Variants in NRXN3 observed in about 807,000 individuals in gnomAD.
NRXN3 encodes the protein neurexin 3.
A neutral mutation model predicts 137.6 loss-of-function variants in NRXN3; 32 were observed. The observed-to-expected ratio is 0.23, with a 90% confidence interval of 0.18 to 0.31. The LOEUF is 0.31. Among genes scored for constraint, NRXN3 ranks in the 10% least tolerant of loss-of-function variants. The probability of loss-of-function intolerance (pLI) is 1.00; values close to 1 mark genes in which losing one functional copy is unlikely to be tolerated. For synonymous variants in NRXN3, 798 were observed against 784.5 expected, an observed-to-expected ratio of 1.02 and a Z score of -0.29; for missense variants, 1,574 against 2,062.5, an observed-to-expected ratio of 0.76 and a Z score of 4.59.
At chr14:79,623,595 A>G (rs1258570089) in intron 16 of NRXN3, among the ~76,000 whole-genome samples, 1 of 152,222 alleles carries the variant, frequency 6.6e-6, no homozygotes, top group African/African-American at 2.4e-5. Flanking sequence ...AGTTGAAATA[A>G]TATACTCAAC....
intron 8 of NRXN3, among the ~76,000 whole-genome samples, chr14:78,779,076 T>C (rs1459246762): frequency 6.6e-6 from 1 of 151,948 alleles, no homozygotes; most frequent in Non-Finnish European, 1.5e-5. Flanking sequence ...TAAACCATCT[T>C]CTATTCTAAA....
chr14:78,960,946 C>T (rs1200746323), intron 11 of NRXN3, among the ~76,000 whole-genome samples: 1 of 150,992 alleles, frequency 6.6e-6, no homozygotes, highest in Non-Finnish European at 1.5e-5. Flanking sequence ...TATTGCCAGG[C>T]TTATTAGGAG....
intron 8 of NRXN3, among the ~76,000 whole-genome samples, chr14:78,794,383 C>T: frequency 6.6e-6 from 1 of 152,104 alleles, no homozygotes; most frequent in East Asian, 1.9e-4. Context: ...GAGCAAGACT[C>T]TGTTTCAAAA....
intron 1 of NRXN3, among the ~76,000 whole-genome samples, chr14:78,205,076 C>G (rs2062051827): frequency 6.6e-6 from 1 of 152,220 alleles, no homozygotes; most frequent in Admixed American, 6.5e-5. Flanking sequence ...CCCGCTGCCC[C>G]AGCCCACAGG....
chr14:79,716,995 A>T (rs1025135676), intron 19 of NRXN3, among the ~76,000 whole-genome samples: 2 of 152,136 alleles, frequency 1.3e-5, no homozygotes, highest in African/African-American at 2.4e-5. Context: ...GGCAGGGAGC[A>T]TTCCGTTTTC....
intron 6 of NRXN3, among the ~76,000 whole-genome samples, chr14:78,671,478 G>A (rs2097934536): frequency 6.6e-6 from 1 of 152,060 alleles, no homozygotes; most frequent in Non-Finnish European, 1.5e-5. Flanking sequence ...CTCAGTATCT[G>A]GGTGATGGGA....
chr14:79,238,273 T>G (rs923791061), intron 15 of NRXN3, among the ~76,000 whole-genome samples: 6 of 146,280 alleles, frequency 4.1e-5, no homozygotes, highest in African/African-American at 1.5e-4. Context: ...GTTGTAGACA[T>G]ATTGCGTGTA....
Position 78,243,446 on chromosome 14 carries a change from G to T in NRXN3, c.353G>T (p.Arg118Leu), listed in dbSNP as rs373722263. The change falls in exon 2 of 21, where the codon CGC (arginine) becomes CTC (leucine). Residue 118 changes from arginine to leucine, a missense_variant. This residue lies in a region of NRXN3 where 400 missense variants were observed against 527.3 expected (regional missense o/e 0.76). Coordinates refer to ENST00000335750, the MANE Select transcript of NRXN3 (RefSeq NM_001330195.2). This position sits in a 1 kb window ranked among gnomAD's most constrained non-coding sequence, Gnocchi z 4.2. ...CACTTCCTCATGGTGAGCCGTGACC[G>T]CCTGCGCACGGTGCTGATGCTTGAT... ...SWHFLMVSRD[R>L]LRTVLMLDGE... 1 of 1,574,312 alleles carries T rather than the reference G, an allele frequency of 6.4e-7. No homozygotes were observed. Among genetic ancestry groups the T allele is most frequent in the Non-Finnish European group, 8.6e-7 (1 of 1,167,774 alleles).
chr14:79,722,533 G>C (rs1414368857), intron 19 of NRXN3, among the ~76,000 whole-genome samples: 3 of 152,026 alleles, frequency 2.0e-5, no homozygotes, highest in Non-Finnish European at 4.4e-5. Context: ...CCTCTGCTGA[G>C]AACCCACTTT....
In NRXN3 at chr14:78,645,316, C is replaced by G; in HGVS notation, c.954C>G (p.Val318=). The part of the protein sequence containing the change: ...LALKDGAVSL[V]INLGSGAFEA... ...TGAAGGATGGTGCGGTCTCCTTGGTCATTAACCTGGGGTCCGGGGCCTTTG... is the reference window on the plus strand; with the variant it reads ...TGAAGGATGGTGCGGTCTCCTTGGTGATTAACCTGGGGTCCGGGGCCTTTG... The change falls in exon 5 of 21, where the codon GTC becomes GTG. Residue 318 remains valine (V), a synonymous_variant. Transcript: ENST00000335750. 6.3e-7 allele frequency: 1 copy of G among 1,598,866 alleles called. No homozygotes were observed.
intron 8 of NRXN3, among the ~76,000 whole-genome samples, chr14:78,772,611 A>C (rs2098732030): frequency 6.6e-6 from 1 of 152,216 alleles, no homozygotes; most frequent in Admixed American, 6.5e-5. Flanking sequence ...GAGTTAGGTC[A>C]ATGTTTCTTA....
At chr14:79,714,864 T>C (rs1490351468) in intron 19 of NRXN3, among the ~76,000 whole-genome samples, 1 of 152,222 alleles carries the variant, frequency 6.6e-6, no homozygotes, top group African/African-American at 2.4e-5. Flanking sequence ...CAAAAGACAC[T>C]TTCCTTTGCA....
At chr14:79,313,773 G>GT (rs1273784359) in intron 15 of NRXN3, among the ~76,000 whole-genome samples, 3 of 78,764 alleles carry the variant, frequency 3.8e-5, no homozygotes, top group Non-Finnish European at 7.4e-5. Context: ...TGGAGCCTTG[G>GT]TTTTCAGCTC....
intron 16 of NRXN3, among the ~76,000 whole-genome samples, chr14:79,580,451 T>TTTC (rs1179481966): frequency 6.8e-6 from 1 of 147,444 alleles, no homozygotes; most frequent in African/African-American, 2.6e-5. Context: ...TTTTTTTTTT[T>TTTC]CATAACTCAG....
Position 78,625,321 on chromosome 14 carries a change from C to T in NRXN3, c.758-19799C>T, listed in dbSNP as rs143825635. Among the ~76,000 whole-genome samples the T allele has an allele frequency of 5.1e-3, 778 of 152,346 alleles. 8 individuals are homozygous for T. Among genetic ancestry groups the T allele is most frequent in the African/African-American group, 0.018 (729 of 41,588 alleles). ...ATAAGATAAGCCATGGGACTTGCTT[C>T]TCTCCCAACTCACCATACCCAAAAG... On this transcript the variant is annotated intron_variant, in intron 4 of 20. Transcript: ENST00000335750.
At chr14:79,706,367 T>G (rs1488022171) in intron 19 of NRXN3, among the ~76,000 whole-genome samples, 1 of 151,804 alleles carries the variant, frequency 6.6e-6, no homozygotes, top group Non-Finnish European at 1.5e-5. Context: ...TTCAAATATA[T>G]GCAAATAAAA....
At chr14:79,443,217 T>C (rs1167515136) in intron 15 of NRXN3, among the ~76,000 whole-genome samples, 1 of 152,254 alleles carries the variant, frequency 6.6e-6, no homozygotes, top group African/African-American at 2.4e-5. Flanking sequence ...GAGGAAATTA[T>C]GAAATGCATG....
chr14:79,132,610 G>A lies in NRXN3; in HGVS notation c.3262+144469G>A, dbSNP rs563525766. ...ATTCCTCTTGGACTGTGTTGGCCTA[G>A]ATCGTTTATTAGCTTAGGCAACATA... On this transcript the variant is annotated intron_variant, in intron 15 of 20. Coordinates refer to ENST00000335750, the MANE Select transcript of NRXN3 (RefSeq NM_001330195.2). Among the ~76,000 whole-genome samples, 10 of 152,238 alleles carry A rather than the reference G, an allele frequency of 6.6e-5. No homozygotes were observed. The South Asian group carries it at 2.1e-3, about 32-fold the overall frequency.
chr14:79,438,248 T>C lies in NRXN3; in HGVS notation c.3263-28973T>C, dbSNP rs563591960. Among the ~76,000 whole-genome samples, 10 of 152,304 alleles carry C rather than the reference T, an allele frequency of 6.6e-5. 1 individual carries two copies. In the South Asian group the frequency reaches 2.1e-3, roughly 32 times the overall value. ...TATCAATCATTTGCCCTCGAATCCA[T>C]GTCTTAGGATCTGCTTATGGGTTGG... On this transcript the variant is annotated intron_variant, in intron 15 of 20. Coordinates refer to ENST00000335750, the MANE Select transcript of NRXN3 (RefSeq NM_001330195.2).
Sources: gnomAD v4.1 joint callset for allele counts (sites outside exome capture counted in the v4.1 genomes callset) on GRCh38, gnomAD v4.1.1 for gene constraint, gnomAD v4.1.1 regional missense constraint, Gnocchi (gnomAD v3.1) non-coding constraint, MANE v1.5 for transcripts, NCBI Gene and HGNC (gene_info 2026-07-23, HGNC 2026-07-21) for gene names.